The following CIITA variants were observed in gnomAD, a reference collection of about 807,000 sequenced individuals.
The protein encoded by CIITA is MHC class II transactivator.
A neutral mutation model predicts 115.1 loss-of-function variants in CIITA; 72 were observed. The observed-to-expected ratio is 0.63, with a 90% CI of 0.52 to 0.76. CIITA has a LOEUF of 0.76. Among genes scored for constraint, CIITA ranks in the 30% least tolerant of loss-of-function variants. The pLI is 0.00. For missense variants in CIITA, 1,617 were observed against 1,463.8 expected, an observed-to-expected ratio of 1.10 and a Z score of -1.71; for synonymous variants, 763 against 635.6, an observed-to-expected ratio of 1.20 and a Z score of -3.02.
rs143041497 is a variant in CIITA, at chr16:10,891,748, G to A, written c.53-3534G>A. 2.9e-3 allele frequency among the ~76,000 whole-genome samples: 438 copies of A among 152,320 alleles called. 3 individuals are homozygous for A. The highest frequency in any genetic ancestry group is 0.01 in the African/African-American group (422 of 41,576). ...CCTGTGTCCCTGACCAAGGGGCTGG[G>A]AGAGGTGGAGCATCTCACCCCCAAC... On this transcript the variant is annotated intron_variant, in intron 1 of 19. Coordinates refer to ENST00000324288, the MANE Select transcript of CIITA (RefSeq NM_000246.4).
chr16:10,914,008 C>G (rs1001336483), intron 13 of CIITA, among the ~76,000 whole-genome samples: 2 of 149,412 alleles, frequency 1.3e-5, no homozygotes, highest in African/African-American at 2.5e-5. Flanking sequence ...AACTCCATCC[C>G]CCTCACCACT....
chr16:10,896,088 C>T (rs1210798976), intron 3 of CIITA, among the ~76,000 whole-genome samples: 2 of 152,236 alleles, frequency 1.3e-5, no homozygotes, highest in East Asian at 3.9e-4. Flanking sequence ...CCATACACCC[C>T]TTTCCCTTTT....
chr16:10,919,705 T>C (rs1005068280), intron 16 of CIITA, among the ~76,000 whole-genome samples: 6 of 152,156 alleles, frequency 3.9e-5, no homozygotes, highest in African/African-American at 1.4e-4. Context: ...TTACAATATT[T>C]TATTTATGTA....
downstream of CIITA, chr16:10,940,038 C>T (rs537998007): frequency 2.0e-5 from 3 of 152,378 alleles, no homozygotes; most frequent in African/African-American, 7.2e-5. This position sits in a 1 kb window ranked among gnomAD's most constrained non-coding sequence, Gnocchi z 4.2. Context: ...ACTTGGTTCT[C>T]GCTAAGATGT....
At chr16:10,877,442 C>T in intron 1 of CIITA, 60 bp downstream of exon 1, 1 of 1,526,516 alleles carries the variant, frequency 6.6e-7, no homozygotes, top group Non-Finnish European at 9.0e-7. Context: ...CCTGCCATTC[C>T]AGATAAACAG....
chr16:10,902,773 A>T lies in CIITA; in HGVS notation c.744A>T (p.Thr248=), dbSNP rs565678751. The change falls in exon 8 of 20, where the codon ACA becomes ACT. Residue 248 remains threonine, a synonymous_variant. Transcript: ENST00000324288. ...TCTGGCAAATCTCTGAGGCTGGAAC[A>T]GGGGTCTCCAGTATATTCATCTACC... ...HGLWQISEAG[T]GVSSIFIYHG... is the part of the protein sequence containing the mutation. The T allele has an allele frequency of 2.5e-6, 4 of 1,614,170 alleles. No individual in the cohort carries two copies. The Admixed American group carries it at 6.7e-5, about 27-fold the overall frequency.
Position 10,906,816 on chromosome 16 carries a change from C to T in CIITA, c.1324C>T (p.Leu442Phe), listed in dbSNP as rs1357669000. Residue 442 changes from leucine to phenylalanine, a missense_variant, in exon 11 of 20, where the codon CTT becomes TTT. Coordinates refer to ENST00000324288, the MANE Select transcript of CIITA (RefSeq NM_000246.4). ...GAGCCGGGCCTGGGCTTGTGGCCGG[C>T]TTCCCCAGTACGACTTTGTCTTCTC... ...AVSRAWACGRLPQYDFVFSVP... is the reference protein window; with the variant it reads ...AVSRAWACGRFPQYDFVFSVP... 2 of 1,612,706 alleles carry T rather than the reference C, an allele frequency of 1.2e-6. No homozygotes were observed. The highest frequency in any genetic ancestry group is 1.7e-6 in the Non-Finnish European group (2 of 1,180,038).
chr16:10,878,078 G>T (rs183240288), intron 1 of CIITA, among the ~76,000 whole-genome samples: 19 of 152,322 alleles, frequency 1.2e-4, no homozygotes, highest in Admixed American at 9.1e-4. Flanking sequence ...GTATGAAAGG[G>T]TAATGATGAG....
rs1285845469 is a variant in CIITA, at chr16:10,920,631, A to T, written c.3150-1536A>T. On this transcript the variant is annotated intron_variant, in intron 16 of 19. Coordinates refer to ENST00000324288, the MANE Select transcript of CIITA (RefSeq NM_000246.4). This position sits in a 1 kb window ranked among gnomAD's most constrained non-coding sequence, Gnocchi z 4.5. ...ACCCCAATATGAGGCCAAAATGCAA[A>T]CTGTGACACGCTATTGGTTATAAGA... 6.6e-6 allele frequency among the ~76,000 whole-genome samples: 1 copy of T among 152,218 alleles called. No homozygotes were observed. The highest frequency in any genetic ancestry group is 2.4e-5 in the African/African-American group (1 of 41,450).
rs557206013 is a variant in CIITA, at chr16:10,878,289, G to A, written c.52+907G>A. 6.6e-5 allele frequency among the ~76,000 whole-genome samples: 10 copies of A among 152,242 alleles called. No homozygotes were observed. In the South Asian group the frequency reaches 1.0e-3, roughly 16 times the overall value. On this transcript the variant is annotated intron_variant, in intron 1 of 19. Transcript: ENST00000324288. ...GTTGGGTGCAGCCTTAAGTTGCTACGGGAAAGTGTTGGAGGGGGAGAAGTC... is the reference window on the plus strand; with the variant it reads ...GTTGGGTGCAGCCTTAAGTTGCTACAGGAAAGTGTTGGAGGGGGAGAAGTC...
chr16:10,894,111 C>A (rs570470700), intron 1 of CIITA, among the ~76,000 whole-genome samples: 1 of 152,174 alleles, frequency 6.6e-6, no homozygotes, highest in East Asian at 1.9e-4. Context: ...CTCAGCCTCC[C>A]AAAGTGCTGG....
intron 8 of CIITA, among the ~76,000 whole-genome samples, chr16:10,903,395 G>A (rs756846623): frequency 2.0e-5 from 3 of 152,118 alleles, no homozygotes; most frequent in East Asian, 1.9e-4. Flanking sequence ...TCAGTATAAC[G>A]CACTGGTATC....
intron 9 of CIITA, 136 bp downstream of exon 9, chr16:10,904,031 G>A: frequency 8.4e-7 from 1 of 1,184,858 alleles, no homozygotes; most frequent in South Asian, 1.3e-5. Flanking sequence ...GTCGGGACAG[G>A]GAGGGTCTCC....
chr16:10,877,168 C>A, upstream of CIITA: 1 of 698,914 alleles, frequency 1.4e-6, no homozygotes, highest in South Asian at 1.5e-5. Flanking sequence ...TGCATGTTGG[C>A]TTAGCTTGGC....
At position 10,906,481 on chromosome 16, in the gene CIITA, C is replaced by T. The variant is rs756230223; in HGVS notation, c.1007-18C>T. On this transcript the variant is annotated intron_variant, in intron 10 of 19. Transcript: ENST00000324288. Reference sequence around the variant, plus strand: ...CCTCTCACATACCCCCACCCTGACACGCCCCTGGCCTTTGCAGAGCCGGTG... The same window carrying T: ...CCTCTCACATACCCCCACCCTGACATGCCCCTGGCCTTTGCAGAGCCGGTG... The T allele has an allele frequency of 1.4e-5, 22 of 1,610,998 alleles. No individual in the cohort carries two copies. Among genetic ancestry groups the T allele is most frequent in the African/African-American group, 1.1e-4 (8 of 74,878 alleles).
intron 3 of CIITA, among the ~76,000 whole-genome samples, chr16:10,897,918 C>T (rs1471407831): frequency 6.6e-6 from 1 of 152,100 alleles, no homozygotes; most frequent in African/African-American, 2.4e-5. Flanking sequence ...CTAACTTTCC[C>T]CAGCATGAAA....
Position 10,901,675 on chromosome 16 carries a change from T to A in CIITA, c.481+117T>A, listed in dbSNP as rs894674560. ...ATGGTGCATGGTGCAGCCCCTGCCC[T>A]TCTTTGGGTAGAGGCTGAGAGCTTG... On this transcript the variant is annotated intron_variant, in intron 6 of 19. Transcript: ENST00000324288. This position sits in a 1 kb window ranked among gnomAD's most constrained non-coding sequence, Gnocchi z 6.8. 88 of 1,144,980 alleles carry A rather than the reference T, an allele frequency of 7.7e-5. No homozygotes were observed. The South Asian group carries it at 7.7e-4, about 10-fold the overall frequency. The allele number at this position is 1,144,980 out of a possible 1,614,324, so 70.9% of individuals were successfully genotyped here.
rs1209026051 is a variant in CIITA, at chr16:10,898,942, G to T, written c.376G>T (p.Glu126Ter). The T allele has an allele frequency of 1.3e-5, 21 of 1,613,906 alleles. No individual in the cohort carries two copies. Among genetic ancestry groups the T allele is most frequent in the Non-Finnish European group, 1.6e-5 (19 of 1,180,012 alleles). The change falls in exon 5 of 20, where the codon GAA becomes TAA. Residue 126 changes from glutamate to a stop codon, truncating the protein, a stop_gained. Transcript: ENST00000324288. LOFTEE classifies it high-confidence loss of function. ...KDIFKHIGPD[E>*]VIGESMEMPA... ...CAAAGTAGAGCACATAGGACCAGAT[G>T]AAGTGATCGGTGAGAGTATGGAGAT...
At chr16:10,917,996 C>T (rs1478272824) in intron 15 of CIITA, among the ~76,000 whole-genome samples, 5 of 152,274 alleles carry the variant, frequency 3.3e-5, no homozygotes, top group East Asian at 1.9e-4. Flanking sequence ...CTTTCTTACC[C>T]GCCACCCCAC....
Sources: allele counts gnomAD v4.1 joint callset (sites outside exome capture counted in the v4.1 genomes callset), GRCh38; gene constraint gnomAD v4.1.1; non-coding constraint Gnocchi (gnomAD v3.1); transcripts MANE v1.5; gene names NCBI Gene and HGNC (gene_info 2026-07-23, HGNC 2026-07-21).